ANKRD44: variants seen among roughly 807,000 people sequenced by gnomAD.
ANKRD44 encodes ankyrin repeat domain 44.
Under a neutral mutation model 116.0 loss-of-function variants are expected in ANKRD44, and 35 were observed. The observed-to-expected ratio is 0.30, with a 90% CI of 0.23 to 0.40. ANKRD44 has a LOEUF of 0.40. ANKRD44 is among the 10% of genes least tolerant of loss of function. The pLI is 1.00. For missense variants in ANKRD44, 1,014 were observed against 1,242.6 expected (o/e 0.82, Z 2.77); for synonymous variants, 435 against 461.8 (o/e 0.94, Z 0.74).
At chr2:197,191,525 C>A (rs1248299835) in intron 1 of ANKRD44, among the ~76,000 whole-genome samples, 1 of 152,132 alleles carries the variant, frequency 6.6e-6, no homozygotes, top group African/African-American at 2.4e-5. Flanking sequence ...TTTATTCTCA[C>A]CCTGAAAACA....
chr2:197,159,607 T>C (rs749498197), intron 2 of ANKRD44, among the ~76,000 whole-genome samples: 1 of 152,256 alleles, frequency 6.6e-6, no homozygotes, highest in African/African-American at 2.4e-5. Flanking sequence ...TTCTGAATAA[T>C]TGATATGTGA....
At chr2:196,984,071 G>A (rs569288110), downstream of ANKRD44, among the ~76,000 whole-genome samples, 1 of 152,220 alleles carries the variant, frequency 6.6e-6, no homozygotes. Flanking sequence ...GGCATATAAA[G>A]TATGTTTATG....
chr2:197,059,513 T>C (rs1308069319), intron 16 of ANKRD44, among the ~76,000 whole-genome samples: 1 of 152,186 alleles, frequency 6.6e-6, no homozygotes, highest in Non-Finnish European at 1.5e-5. Flanking sequence ...AAACACTAGC[T>C]AAAGACCACA....
At chr2:197,108,274 T>C (rs1172788518) in intron 9 of ANKRD44, among the ~76,000 whole-genome samples, 1 of 152,228 alleles carries the variant, frequency 6.6e-6, no homozygotes, top group East Asian at 1.9e-4. Flanking sequence ...CTTTTTCTCA[T>C]AGGGTGGTTG....
At position 197,102,043 on chromosome 2, in the gene ANKRD44, C is replaced by T. The variant is rs549659510; in HGVS notation, c.986-2113G>A. Among the ~76,000 whole-genome samples, 17 of 151,158 alleles carry T rather than the reference C, an allele frequency of 1.1e-4. No individual in the cohort carries two copies. The East Asian group carries it at 1.9e-3, about 17-fold the overall frequency. ...AGTTTTAGTTTATGCTTCTGTGTTT[C>T]GCTTTGCAAAAAAAAACAAAAAACA... On this transcript the variant is annotated intron_variant, in intron 9 of 27. Transcript: ENST00000282272.
chr2:197,207,650 G>C (rs1370326313), intron 1 of ANKRD44, among the ~76,000 whole-genome samples: 1 of 152,068 alleles, frequency 6.6e-6, no homozygotes, highest in South Asian at 2.1e-4. Context: ...TTGCCATGGT[G>C]CTCTTTCATG....
At chr2:197,150,719 G>A (rs571245861) in intron 2 of ANKRD44, among the ~76,000 whole-genome samples, 15 of 152,262 alleles carry the variant, frequency 9.9e-5, no homozygotes, top group South Asian at 6.2e-4. Flanking sequence ...CAGAAATGGA[G>A]GGTAAATAGA....
intron 5 of ANKRD44, 27 bp downstream of exon 5, chr2:197,125,810 C>T: frequency 6.2e-7 from 1 of 1,611,284 alleles, no homozygotes; most frequent in Non-Finnish European, 8.5e-7. Context: ...AGGGAGCGTT[C>T]CAATTCTGAA....
intron 1 of ANKRD44, among the ~76,000 whole-genome samples, chr2:197,309,463 A>G (rs1233601276): frequency 6.6e-6 from 1 of 152,232 alleles, no homozygotes; most frequent in Admixed American, 6.5e-5. Context: ...ATCATTGCAA[A>G]TCATTGTGGT....
intron 16 of ANKRD44, among the ~76,000 whole-genome samples, chr2:197,047,950 C>T (rs1321250328): frequency 6.6e-6 from 1 of 151,606 alleles, no homozygotes; most frequent in Non-Finnish European, 1.5e-5. Flanking sequence ...TTTTGAATAC[C>T]TATAACAAAT....
At chr2:197,236,225 C>A (rs748351689) in intron 1 of ANKRD44, among the ~76,000 whole-genome samples, 5 of 152,168 alleles carry the variant, frequency 3.3e-5, no homozygotes, top group Non-Finnish European at 5.9e-5. Flanking sequence ...TCCTCTCCTG[C>A]AGCCTGACTG....
At chr2:197,027,680 ATTTTTTTTT>A (rs34502554) in intron 16 of ANKRD44, among the ~76,000 whole-genome samples, 1 of 125,904 alleles carries the variant, frequency 7.9e-6, no homozygotes, top group African/African-American at 3.0e-5. Context: ...ATGCCTGAGA[ATTTTTTTTT>A]TTTTTTTTTT....
intron 3 of ANKRD44, among the ~76,000 whole-genome samples, chr2:197,145,322 T>C (rs2079471888): frequency 6.6e-6 from 1 of 150,904 alleles, no homozygotes; most frequent in Non-Finnish European, 1.5e-5. Context: ...TAAAATAAAA[T>C]ACAAAATAAA....
intron 1 of ANKRD44, among the ~76,000 whole-genome samples, chr2:197,309,763 A>T (rs1313696212): frequency 6.6e-6 from 1 of 152,148 alleles, no homozygotes; most frequent in Non-Finnish European, 1.5e-5. Context: ...GTTAGTGTCA[A>T]TGTAAGAGCA....
intron 21 of ANKRD44, 70 bp from the exon 22 acceptor site, chr2:197,001,910 A>T (rs1357113500): frequency 7.8e-6 from 9 of 1,151,616 alleles, no homozygotes; most frequent in African/African-American, 1.5e-5. Context: ...CTGCTTTTTC[A>T]TTAAGTATTG....
chr2:197,304,993 A>C (rs1041072317), intron 1 of ANKRD44, among the ~76,000 whole-genome samples: 2 of 152,218 alleles, frequency 1.3e-5, no homozygotes, highest in South Asian at 4.1e-4. Context: ...CATGGAGTCT[A>C]TGTGAATATA....
At chr2:196,982,354 G>A (rs982029765), downstream of ANKRD44, among the ~76,000 whole-genome samples, 9 of 152,080 alleles carry the variant, frequency 5.9e-5, no homozygotes, top group African/African-American at 1.7e-4. Flanking sequence ...CTGATTGGCA[G>A]GTGGCAGCAA....
intron 1 of ANKRD44, among the ~76,000 whole-genome samples, chr2:197,238,310 C>A (rs1447903563): frequency 6.8e-6 from 1 of 147,636 alleles, no homozygotes; most frequent in East Asian, 2.1e-4. Context: ...AACCATATCA[C>A]ATCCTGACAC....
At chr2:196,991,372 A>G (rs2075912721) in intron 27 of ANKRD44, among the ~76,000 whole-genome samples, 1 of 152,172 alleles carries the variant, frequency 6.6e-6, no homozygotes, top group Non-Finnish European at 1.5e-5. Flanking sequence ...ATGACTTTCC[A>G]TTGTTAGGTA....
Sources: gnomAD v4.1 joint callset for allele counts (sites outside exome capture counted in the v4.1 genomes callset) on GRCh38, gnomAD v4.1.1 for gene constraint, MANE v1.5 for transcripts, NCBI Gene and HGNC (gene_info 2026-07-23, HGNC 2026-07-21) for gene names.